Variants in EPHB1 observed in about 807,000 individuals in gnomAD.
The protein encoded by EPHB1 is ephrin type-B receptor 1.
Under a neutral mutation model 94.4 loss-of-function variants are expected in EPHB1, and 30 were observed. The ratio of observed to expected loss-of-function variants is 0.32; its 90% confidence interval spans 0.24 to 0.43. The LOEUF (loss-of-function observed/expected upper bound fraction) is 0.43, where lower values mean the gene tolerates loss of function less well. Among genes scored for constraint, EPHB1 ranks in the 20% least tolerant of loss-of-function variants. The pLI is 1.00. For synonymous variants in EPHB1, 522 were observed against 489.1 expected (o/e 1.07, Z -0.89); for missense variants, 1,055 against 1,308.3 (o/e 0.81, Z 2.99).
intron 4 of EPHB1, among the ~76,000 whole-genome samples, chr3:135,130,811 C>T (rs1323566112): frequency 6.6e-6 from 1 of 152,176 alleles, no homozygotes; most frequent in Non-Finnish European, 1.5e-5. Context: ...AAAGCAAGCA[C>T]TCAGTGAATG....
At chr3:135,254,806 T>C (rs1296559160) in intron 15 of EPHB1, among the ~76,000 whole-genome samples, 1 of 152,200 alleles carries the variant, frequency 6.6e-6, no homozygotes, top group Admixed American at 6.5e-5. Flanking sequence ...AATTCCTCCT[T>C]GTACCTCTGA....
chr3:135,097,096 C>CAA (rs1182116389), intron 3 of EPHB1, among the ~76,000 whole-genome samples: 18 of 83,460 alleles, frequency 2.2e-4, no homozygotes, highest in African/African-American at 2.7e-4. Context: ...ACTCTGTCTA[C>CAA]AAAAAAAAAA....
intron 12 of EPHB1, among the ~76,000 whole-genome samples, chr3:135,232,234 G>A (rs372525675): frequency 2.4e-4 from 37 of 152,190 alleles, no homozygotes; most frequent in African/African-American, 8.7e-4. Flanking sequence ...TACTTTCAGA[G>A]AGCTTTTAAG....
At chr3:135,178,246 G>A (rs927207383) in intron 9 of EPHB1, among the ~76,000 whole-genome samples, 2 of 150,240 alleles carry the variant, frequency 1.3e-5, no homozygotes, top group African/African-American at 5.0e-5. Flanking sequence ...TCATGAGGTC[G>A]GGAGTTCAAG....
chr3:135,070,227 G>T (rs1937659419), intron 3 of EPHB1, among the ~76,000 whole-genome samples: 1 of 152,200 alleles, frequency 6.6e-6, no homozygotes, highest in Non-Finnish European at 1.5e-5. Context: ...CTCTGTTGCT[G>T]CCTAAAAAAG....
chr3:134,954,755 A>G (rs536407239), intron 3 of EPHB1, among the ~76,000 whole-genome samples: 1 of 152,332 alleles, frequency 6.6e-6, no homozygotes, highest in South Asian at 2.1e-4. Flanking sequence ...AACAGAACAG[A>G]CTTTCATTAT....
intron 3 of EPHB1, among the ~76,000 whole-genome samples, chr3:134,960,552 A>G (rs1933474279): frequency 6.6e-6 from 1 of 152,176 alleles, no homozygotes; most frequent in African/African-American, 2.4e-5. Flanking sequence ...TATCCATAAG[A>G]CAGAGAGTAT....
intron 1 of EPHB1, among the ~76,000 whole-genome samples, chr3:134,860,560 A>G (rs1364192100): frequency 6.6e-6 from 1 of 152,174 alleles, no homozygotes. Flanking sequence ...CACGCCTGTA[A>G]TCCCAGCACT....
At chr3:135,005,639 G>T (rs917799993) in intron 3 of EPHB1, among the ~76,000 whole-genome samples, 23 of 152,382 alleles carry the variant, frequency 1.5e-4, no homozygotes, top group South Asian at 8.3e-4. Flanking sequence ...CTCCGAGCCA[G>T]GTGCGGGATA....
At chr3:135,221,757 C>G (rs1943283297) in intron 12 of EPHB1, among the ~76,000 whole-genome samples, 1 of 152,140 alleles carries the variant, frequency 6.6e-6, no homozygotes, top group South Asian at 2.1e-4. Flanking sequence ...CATCACATGA[C>G]TACTGTAACG....
chr3:135,095,498 C>A (rs978066037), intron 3 of EPHB1, among the ~76,000 whole-genome samples: 1 of 152,224 alleles, frequency 6.6e-6, no homozygotes, highest in Admixed American at 6.5e-5. Flanking sequence ...CCAGTCCATT[C>A]ATTTCCCAGC....
At chr3:134,820,809 A>C (rs955639811) in intron 1 of EPHB1, among the ~76,000 whole-genome samples, 1 of 152,222 alleles carries the variant, frequency 6.6e-6, no homozygotes, top group Non-Finnish European at 1.5e-5. Context: ...AAAAGAAACA[A>C]AAACCAGATA....
chr3:135,105,091 A>G (rs1939162541), intron 3 of EPHB1, among the ~76,000 whole-genome samples: 1 of 152,220 alleles, frequency 6.6e-6, no homozygotes, highest in African/African-American at 2.4e-5. Flanking sequence ...AAAGCACTTA[A>G]CAAGACAAGT....
Position 135,001,399 on chromosome 3 carries a change from TC to T in EPHB1, c.805+49349del, listed in dbSNP as rs371889596. The stretch of plus-strand genomic sequence containing the variant: ...GATAAATGTCGGCTGGTCCCCTGCC[TC>T]CATCTCCCAGGGCTGTTCTATAGCC... On this transcript the variant is annotated intron_variant, in intron 3 of 15. Transcript: ENST00000398015. Among the ~76,000 whole-genome samples, 195 of 152,278 alleles carry T rather than the reference TC, an allele frequency of 1.3e-3. 1 individual carries two copies. Among genetic ancestry groups the T allele is most frequent in the African/African-American group, 4.5e-3 (188 of 41,564 alleles).
intron 1 of EPHB1, among the ~76,000 whole-genome samples, chr3:134,818,008 T>C (rs1327939348): frequency 6.6e-6 from 1 of 152,154 alleles, no homozygotes; most frequent in South Asian, 2.1e-4. Flanking sequence ...TCTTAATGCT[T>C]TTCCCCGCCC....
intron 1 of EPHB1, among the ~76,000 whole-genome samples, chr3:134,798,330 G>A (rs1037393393): frequency 6.6e-6 from 1 of 152,186 alleles, no homozygotes; most frequent in African/African-American, 2.4e-5. Context: ...CCCCCTGCCT[G>A]GGTGGAAGGA....
At chr3:135,062,084 C>G (rs905124786) in intron 3 of EPHB1, among the ~76,000 whole-genome samples, 2 of 152,080 alleles carry the variant, frequency 1.3e-5, no homozygotes, top group Admixed American at 1.3e-4. Context: ...GTTTCTTTGT[C>G]CACTCGTTGA....
At chr3:135,012,686 A>G (rs1339111372) in intron 3 of EPHB1, among the ~76,000 whole-genome samples, 1 of 152,210 alleles carries the variant, frequency 6.6e-6, no homozygotes, top group Non-Finnish European at 1.5e-5. Flanking sequence ...GATACATGCC[A>G]GGAGGTGCCT....
chr3:134,936,039 T>A (rs1011279780), intron 2 of EPHB1, among the ~76,000 whole-genome samples: 5 of 152,064 alleles, frequency 3.3e-5, no homozygotes, highest in Admixed American at 6.6e-5. Context: ...ACCCCAGGCT[T>A]GTCTAACCAC....
Sources: allele counts gnomAD v4.1 joint callset (sites outside exome capture counted in the v4.1 genomes callset), GRCh38; gene constraint gnomAD v4.1.1; transcripts MANE v1.5; gene names NCBI Gene and HGNC (gene_info 2026-07-23, HGNC 2026-07-21).